Variants in NF1 observed in about 807,000 individuals in gnomAD.
NF1 encodes the protein neurofibromin.
NF1 carries 122 observed loss-of-function variants against 325.7 expected under a neutral mutation model. That is an observed-to-expected ratio of 0.37 (90% CI 0.32 to 0.44). The LOEUF (loss-of-function observed/expected upper bound fraction) is 0.44. Among genes scored for constraint, NF1 ranks in the 20% least tolerant of loss-of-function variants. NF1 has a pLI of 1.00. For synonymous variants in NF1, 1,091 were observed against 1,186.0 expected (o/e 0.92, Z 1.65); for missense variants, 2,140 against 3,415.4 (o/e 0.63, Z 9.31).
chr17:31,157,048 G>T (rs369948407), intron 2 of NF1, among the ~76,000 whole-genome samples: 2 of 152,188 alleles, frequency 1.3e-5, no homozygotes, highest in East Asian at 3.9e-4. Flanking sequence ...GTGCAGTGGC[G>T]CAATCTCGGC....
intron 1 of NF1, among the ~76,000 whole-genome samples, chr17:31,103,569 C>T (rs747158993): frequency 1.3e-5 from 2 of 151,696 alleles, no homozygotes; most frequent in African/African-American, 2.4e-5. Flanking sequence ...TTACTATAGA[C>T]GGGGTTTTGC....
chr17:31,209,532 A>G (rs2066686674), intron 12 of NF1, among the ~76,000 whole-genome samples: 1 of 152,194 alleles, frequency 6.6e-6, no homozygotes. Flanking sequence ...ATTCTTCCAC[A>G]AGGTGGCCCT....
intron 29 of NF1, among the ~76,000 whole-genome samples, chr17:31,242,322 T>TTA (rs2067312043): frequency 7.1e-6 from 1 of 139,948 alleles, no homozygotes; most frequent in South Asian, 2.4e-4. Flanking sequence ...TTTTTTTTTT[T>TTA]TTTTTTTTTT....
intron 36 of NF1, chr17:31,296,022 T>C (rs770581315): frequency 6.2e-7 from 1 of 1,614,176 alleles, no homozygotes; most frequent in South Asian, 1.1e-5. Flanking sequence ...GCAGCAGACA[T>C]GTTCCACAGA....
At chr17:31,149,286 A>C (rs1916774330) in intron 1 of NF1, among the ~76,000 whole-genome samples, 1 of 149,478 alleles carries the variant, frequency 6.7e-6, no homozygotes, top group Non-Finnish European at 1.5e-5. Context: ...GTACACACAC[A>C]CACATACACA....
At chr17:31,155,411 A>G (rs761011135) in intron 1 of NF1, among the ~76,000 whole-genome samples, 1 of 152,114 alleles carries the variant, frequency 6.6e-6, no homozygotes, top group Non-Finnish European at 1.5e-5. Flanking sequence ...GAGGGTGCTT[A>G]TCTTACTGAG....
At chr17:31,273,129 G>A (rs192565399) in intron 36 of NF1, among the ~76,000 whole-genome samples, 1 of 152,306 alleles carries the variant, frequency 6.6e-6, no homozygotes, top group Non-Finnish European at 1.5e-5. Context: ...ATTTGGGACA[G>A]TAGAGCAACA....
At chr17:31,130,072 C>CT (rs1915227397) in intron 1 of NF1, among the ~76,000 whole-genome samples, 3 of 138,714 alleles carry the variant, frequency 2.2e-5, no homozygotes, top group African/African-American at 5.9e-5. Context: ...TTTGAAGTCG[C>CT]TGTTTTTTTT....
chr17:31,340,309 G>T (rs537808347), intron 46 of NF1, 196 bp from the exon 47 acceptor site: 93 of 633,496 alleles, frequency 1.5e-4, no homozygotes, highest in Admixed American at 1.8e-4. Context: ...GCTAAGTAAC[G>T]TTCTCAGTCC....
At chr17:31,324,587 A>G (rs2069295183) in intron 36 of NF1, among the ~76,000 whole-genome samples, 1 of 151,954 alleles carries the variant, frequency 6.6e-6, no homozygotes. Context: ...TTTTTTTAAG[A>G]CAGTCTCACT....
Position 31,376,305 on chromosome 17 carries a change from AAAG to A in NF1, c.*2153_*2155del. 4.3e-6 allele frequency: 1 copy of A among 233,108 alleles called. No individual in the cohort carries two copies. The highest frequency in any genetic ancestry group is 6.0e-5 in the East Asian group (1 of 16,556). The allele number at this position is 233,108 out of a possible 1,614,324, so 14.4% of individuals were successfully genotyped here. A position where few individuals can be genotyped will look rare whatever the true frequency, so the allele number is the denominator to read the frequency against. ...GCTATTTTGCTCTTCCCATCAAAATAAAGAAACTTCCAGAGGTTTACTGTTAAA... is the reference window on the plus strand; with the variant it reads ...GCTATTTTGCTCTTCCCATCAAAATAAAACTTCCAGAGGTTTACTGTTAAA... On this transcript the variant is annotated 3_prime_UTR_variant, in exon 58 of 58. Transcript: ENST00000358273.
intron 12 of NF1, among the ~76,000 whole-genome samples, chr17:31,213,650 T>A (rs768143510): frequency 6.6e-6 from 1 of 152,216 alleles, no homozygotes; most frequent in African/African-American, 2.4e-5. Context: ...AGCTCTGGAA[T>A]ATAATTGTTG....
At chr17:31,245,899 C>T (rs2067381740) in intron 29 of NF1, among the ~76,000 whole-genome samples, 1 of 152,134 alleles carries the variant, frequency 6.6e-6, no homozygotes, top group African/African-American at 2.4e-5. Context: ...AAGTCTCAAC[C>T]CTCTAATCGA....
At chr17:31,154,520 C>G (rs1339567604) in intron 1 of NF1, among the ~76,000 whole-genome samples, 3 of 152,054 alleles carry the variant, frequency 2.0e-5, no homozygotes, top group Non-Finnish European at 4.4e-5. Context: ...CTTGTGCTCA[C>G]TGAATCTAAA....
At chr17:31,124,878 T>C (rs1179174550) in intron 1 of NF1, among the ~76,000 whole-genome samples, 2 of 151,686 alleles carry the variant, frequency 1.3e-5, no homozygotes, top group Non-Finnish European at 1.5e-5. Context: ...TGGGATTATA[T>C]GCGTGAGCCA....
chr17:31,318,634 G>A lies in NF1; in HGVS notation c.4836-7186G>A, dbSNP rs139943451. On this transcript the variant is annotated intron_variant, in intron 36 of 57. Transcript: ENST00000358273. The stretch of plus-strand genomic sequence containing the variant: ...CATAGCCATGTTGTTGTTGTTTTCC[G>A]CACAGACATCCTTTTTGAAAATTTC... 4.1e-5 allele frequency: 66 copies of A among 1,613,886 alleles called. 1 individual carries two copies. Among genetic ancestry groups the A allele is most frequent in the African/African-American group, 2.5e-4 (19 of 74,874 alleles).
intron 36 of NF1, among the ~76,000 whole-genome samples, chr17:31,298,136 G>A (rs2151501959): frequency 6.6e-6 from 1 of 152,162 alleles, no homozygotes; most frequent in African/African-American, 2.4e-5. Context: ...TGATTTCAGA[G>A]TGTTGCACAT....
At chr17:31,136,876 A>T (rs775225342) in intron 1 of NF1, 4 of 152,236 alleles carry the variant, frequency 2.6e-5, no homozygotes, top group Non-Finnish European at 5.9e-5. Flanking sequence ...GGATTCAGGC[A>T]TCCACTGGGG....
intron 36 of NF1, among the ~76,000 whole-genome samples, chr17:31,266,934 CTT>C (rs71142040): frequency 1.1e-3 from 154 of 143,532 alleles, no homozygotes; most frequent in Non-Finnish European, 1.2e-3. Flanking sequence ...GCTGCATAAT[CTT>C]TTTTTTTTTT....
Sources: allele counts gnomAD v4.1 joint callset (sites outside exome capture counted in the v4.1 genomes callset), GRCh38; gene constraint gnomAD v4.1.1; transcripts MANE v1.5; gene names NCBI Gene and HGNC (gene_info 2026-07-23, HGNC 2026-07-21).